The following CTBP2 variants were observed in gnomAD, a reference collection of about 807,000 sequenced individuals.
The protein encoded by CTBP2 is C-terminal-binding protein 2.
In CTBP2, 30 loss-of-function variants were observed where a neutral mutation model predicts 80.3. The ratio of observed to expected loss-of-function variants is 0.37; its 90% confidence interval spans 0.28 to 0.51. The LOEUF is 0.51. Ranked by LOEUF, CTBP2 falls within the 20% of genes least tolerant of loss-of-function variation. CTBP2 has a pLI of 0.93. For missense variants in CTBP2, 1,212 were observed against 1,375.3 expected (o/e 0.88, Z 1.88); for synonymous variants, 594 against 587.4 (o/e 1.01, Z -0.16).
At chr10:125,117,632 T>A (rs1205479731) in intron 1 of CTBP2, among the ~76,000 whole-genome samples, 1 of 152,168 alleles carries the variant, frequency 6.6e-6, no homozygotes. Context: ...AAGGGCTGAG[T>A]GTCAGATACA....
chr10:125,111,134 G>C (rs1010929641), intron 1 of CTBP2, 41 bp from the exon 2 acceptor site: 2 of 147,892 alleles, frequency 1.4e-5, no homozygotes, highest in Non-Finnish European at 3.0e-5. Context: ...ATGAAGTAGA[G>C]ATTTTTTTTT....
intron 2 of CTBP2, among the ~76,000 whole-genome samples, chr10:125,050,658 G>A (rs1962507813): frequency 1.3e-5 from 2 of 152,302 alleles, no homozygotes; most frequent in South Asian, 2.1e-4. Context: ...TTCTGTTATG[G>A]GGTGTCGCTG....
intron 2 of CTBP2, among the ~76,000 whole-genome samples, chr10:125,074,780 C>T (rs998334763): frequency 6.6e-6 from 1 of 152,162 alleles, no homozygotes; most frequent in African/African-American, 2.4e-5. Context: ...TTTCCTTGGC[C>T]CTTCTCAACA....
At chr10:125,140,191 C>A (rs1437481642) in intron 1 of CTBP2, among the ~76,000 whole-genome samples, 1 of 152,042 alleles carries the variant, frequency 6.6e-6, no homozygotes, top group Non-Finnish European at 1.5e-5. Context: ...CAGACGACCA[C>A]CCAGAAGAAG....
chr10:125,130,668 A>G (rs985627319), intron 1 of CTBP2, among the ~76,000 whole-genome samples: 2 of 152,170 alleles, frequency 1.3e-5, no homozygotes, highest in East Asian at 3.9e-4. Flanking sequence ...TGGACACTGG[A>G]AAAGGTCAAT....
intron 4 of CTBP2, chr10:124,996,696 A>G (rs1006456426): frequency 1.3e-5 from 2 of 152,062 alleles, no homozygotes; most frequent in Admixed American, 1.3e-4. Flanking sequence ...CAGGGTGCTC[A>G]TGACCACCCC....
chr10:125,120,543 C>T (rs1023661414), intron 1 of CTBP2, among the ~76,000 whole-genome samples: 1 of 152,160 alleles, frequency 6.6e-6, no homozygotes, highest in African/African-American at 2.4e-5. Flanking sequence ...TGCACCACCA[C>T]GCCCAGCTAA....
At chr10:125,159,810 T>G (rs1371647106) in intron 1 of CTBP2, 8 of 149,412 alleles carry the variant, frequency 5.4e-5, no homozygotes, top group Non-Finnish European at 8.9e-5. Flanking sequence ...CCGCGGCGCG[T>G]CGCGCGCTCG....
chr10:125,104,919 G>A (rs927334511), intron 2 of CTBP2, among the ~76,000 whole-genome samples: 7 of 150,400 alleles, frequency 4.7e-5, no homozygotes, highest in Non-Finnish European at 1.0e-4. Flanking sequence ...CCCTTCTCCC[G>A]CCCCCACCCC....
chr10:125,035,606 C>T (rs1958773827), intron 3 of CTBP2, among the ~76,000 whole-genome samples: 1 of 152,204 alleles, frequency 6.6e-6, no homozygotes, highest in African/African-American at 2.4e-5. Context: ...AAGTTACCAC[C>T]AACAACAGCC....
In CTBP2 at chr10:125,134,280, G is replaced by C. The variant is rs576298141; in HGVS notation, c.-205-23187C>G. ...CTTAGAGTCTCATGCCAGAGTCCAC[G>C]GCAGTAAGAGCAGATTCAAATCTAG... On this transcript the variant is annotated intron_variant, in intron 1 of 10. Coordinates refer to the CTBP2 transcript ENST00000337195. 2.6e-5 allele frequency among the ~76,000 whole-genome samples: 4 copies of C among 152,254 alleles called. No individual in the cohort carries two copies. In the South Asian group the frequency reaches 8.3e-4, roughly 32 times the overall value.
At chr10:125,074,020 C>T (rs1187414855) in intron 2 of CTBP2, among the ~76,000 whole-genome samples, 2 of 152,184 alleles carry the variant, frequency 1.3e-5, no homozygotes, top group Admixed American at 6.5e-5. Flanking sequence ...TGTATCTCTC[C>T]CCCTCAGCAC....
intron 2 of CTBP2, among the ~76,000 whole-genome samples, chr10:125,060,072 G>A (rs183856186): frequency 3.9e-5 from 6 of 152,158 alleles, no homozygotes; most frequent in East Asian, 1.9e-4. Context: ...ATCATATGGC[G>A]GGCAGATTCG....
intron 1 of CTBP2, among the ~76,000 whole-genome samples, chr10:125,008,876 T>TA: frequency 6.6e-6 from 1 of 152,398 alleles, no homozygotes; most frequent in African/African-American, 2.4e-5. Context: ...ATGCTTATAC[T>TA]GGTCCAAGCA....
At chr10:125,079,150 GAAAAAAAAAAAAA>G (rs58370199) in intron 2 of CTBP2, among the ~76,000 whole-genome samples, 4 of 101,162 alleles carry the variant, frequency 4.0e-5, no homozygotes, top group East Asian at 5.9e-4. Flanking sequence ...TTGTCTCGAG[GAAAAAAAAAAAAA>G]AAAAAAAAAG....
intron 1 of CTBP2, among the ~76,000 whole-genome samples, chr10:125,115,771 C>T (rs778127529): frequency 6.6e-6 from 1 of 152,200 alleles, no homozygotes; most frequent in Non-Finnish European, 1.5e-5. Flanking sequence ...GCATCCCAAG[C>T]GTTCCCCTCC....
chr10:125,098,708 CAGAGAGAGAGAGAGACAGAGAG>C (rs1850049137), intron 2 of CTBP2, among the ~76,000 whole-genome samples: 2 of 65,698 alleles, frequency 3.0e-5, no homozygotes, highest in East Asian at 4.7e-4. Flanking sequence ...GAGAGAGAGA[CAGAGAGAGAGAGAGACAGAGAG>C]AGAGAGAGAG....
At chr10:125,092,565 C>T (rs1848936291) in intron 2 of CTBP2, among the ~76,000 whole-genome samples, 1 of 152,192 alleles carries the variant, frequency 6.6e-6, no homozygotes, top group Admixed American at 6.5e-5. Flanking sequence ...CACCCGCCAC[C>T]AGCAAGTATG....
intron 3 of CTBP2, among the ~76,000 whole-genome samples, chr10:125,033,104 T>C (rs1170040283): frequency 2.6e-5 from 4 of 152,078 alleles, no homozygotes; most frequent in African/African-American, 4.8e-5. Flanking sequence ...AGGTTGCAAA[T>C]GGGAAGGGAG....
Sources: allele counts gnomAD v4.1 joint callset (sites outside exome capture counted in the v4.1 genomes callset), GRCh38; gene constraint gnomAD v4.1.1; transcripts MANE v1.5; gene names NCBI Gene and HGNC (gene_info 2026-07-23, HGNC 2026-07-21).